ULK4: variants seen among roughly 807,000 people sequenced by gnomAD.
ULK4 encodes the protein inactive serine/threonine-protein kinase ULK4.
Under a neutral mutation model 160.6 loss-of-function variants are expected in ULK4, and 133 were observed. The ratio of observed to expected loss-of-function variants is 0.83; its 90% CI spans 0.72 to 0.96. The LOEUF is 0.96. ULK4 is among the 40% of genes least tolerant of loss of function. The probability of loss-of-function intolerance (pLI) is 0.00; values close to 1 mark genes in which losing one functional copy is unlikely to be tolerated. For missense variants in ULK4, 1,580 were observed against 1,499.5 expected (o/e 1.05, Z -0.89); for synonymous variants, 534 against 539.8 (o/e 0.99, Z 0.15).
intron 35 of ULK4, among the ~76,000 whole-genome samples, chr3:41,359,149 A>T (rs1420374477): frequency 6.6e-6 from 1 of 152,190 alleles, no homozygotes; most frequent in Admixed American, 6.5e-5. Flanking sequence ...TGAAGCTGCC[A>T]TGACTAAGGC....
rs2037317678 is a variant in ULK4, at chr3:41,717,692, G to C, written c.2455+36C>G. 3.2e-6 allele frequency: 5 copies of C among 1,574,108 alleles called. No individual in the cohort carries two copies. The Admixed American group carries it at 6.7e-5, about 21-fold the overall frequency. On this transcript the variant is annotated intron_variant, in intron 23 of 36. Coordinates refer to ENST00000301831, the MANE Select transcript of ULK4 (RefSeq NM_017886.4). ...AAAGCCAAGTCTTAGAAACGTAAAA[G>C]CAGAAATGGGGCCTGAGGATGAGAC...
intron 17 of ULK4, among the ~76,000 whole-genome samples, chr3:41,880,280 G>A (rs1033084698): frequency 4.6e-5 from 7 of 152,120 alleles, no homozygotes; most frequent in African/African-American, 1.7e-4. Context: ...TGGTAAATGT[G>A]TTATCTAGGA....
At chr3:41,770,136 C>T (rs996921598) in intron 21 of ULK4, among the ~76,000 whole-genome samples, 3 of 152,036 alleles carry the variant, frequency 2.0e-5, no homozygotes, top group East Asian at 3.8e-4. Flanking sequence ...ACACATAATC[C>T]GATTAATATG....
chr3:41,346,111 C>A (rs2080794635), intron 35 of ULK4, among the ~76,000 whole-genome samples: 1 of 152,122 alleles, frequency 6.6e-6, no homozygotes, highest in Non-Finnish European at 1.5e-5. Flanking sequence ...TCGTAAGCCA[C>A]ACTCAAGACT....
chr3:41,927,505 C>A (rs1699428034), intron 5 of ULK4, among the ~76,000 whole-genome samples: 2 of 151,984 alleles, frequency 1.3e-5, no homozygotes, highest in Admixed American at 6.6e-5. Context: ...CAATATTAAC[C>A]TTAAAGGTAA....
At chr3:41,696,636 C>A (rs536563460) in intron 27 of ULK4, among the ~76,000 whole-genome samples, 2 of 152,094 alleles carry the variant, frequency 1.3e-5, no homozygotes, top group South Asian at 4.2e-4. Context: ...CCTCCACACA[C>A]GGCAAGAAAA....
At chr3:41,603,701 T>G (rs2032231132) in intron 31 of ULK4, among the ~76,000 whole-genome samples, 1 of 152,124 alleles carries the variant, frequency 6.6e-6, no homozygotes, top group South Asian at 2.1e-4. Flanking sequence ...TACTATAGTT[T>G]ATAAAATATA....
At chr3:41,267,496 T>C (rs1449217365) in intron 35 of ULK4, among the ~76,000 whole-genome samples, 2 of 152,198 alleles carry the variant, frequency 1.3e-5, no homozygotes, top group African/African-American at 4.8e-5. Context: ...GTCTCTATAG[T>C]AGAATGACTT....
At chr3:41,618,627 C>T (rs752657383) in intron 30 of ULK4, among the ~76,000 whole-genome samples, 4 of 152,058 alleles carry the variant, frequency 2.6e-5, no homozygotes, top group African/African-American at 7.2e-5. Context: ...GAAGGAAGCA[C>T]TAAATATGGA....
At chr3:41,500,188 CTTT>C (rs1278835563) in intron 32 of ULK4, among the ~76,000 whole-genome samples, 1 of 148,550 alleles carries the variant, frequency 6.7e-6, no homozygotes, top group African/African-American at 2.5e-5. Context: ...TTAATTTCTG[CTTT>C]TTTATTATTT....
chr3:41,657,983 C>G (rs1219314538), intron 30 of ULK4, among the ~76,000 whole-genome samples: 1 of 151,952 alleles, frequency 6.6e-6, no homozygotes, highest in Admixed American at 6.6e-5. Context: ...AGACCACTTA[C>G]AAAAATTGAC....
chr3:41,560,971 G>T (rs1380997081), intron 32 of ULK4, among the ~76,000 whole-genome samples: 1 of 152,164 alleles, frequency 6.6e-6, no homozygotes, highest in Admixed American at 6.5e-5. Context: ...TCCAGTTTTT[G>T]CCCACTCAGT....
chr3:41,744,883 C>G (rs1311624768), intron 22 of ULK4, among the ~76,000 whole-genome samples: 1 of 151,562 alleles, frequency 6.6e-6, no homozygotes, highest in Admixed American at 6.6e-5. Context: ...ATAATAAAAT[C>G]AAACTATATA....
chr3:41,614,141 G>A (rs1288720166), intron 31 of ULK4, among the ~76,000 whole-genome samples: 2 of 152,154 alleles, frequency 1.3e-5, no homozygotes, highest in African/African-American at 2.4e-5. Context: ...GATGATTGCC[G>A]AAGATAAGGT....
chr3:41,510,128 G>A (rs1236063971), intron 32 of ULK4, among the ~76,000 whole-genome samples: 1 of 152,078 alleles, frequency 6.6e-6, no homozygotes, highest in East Asian at 1.9e-4. Context: ...AGATAAATAA[G>A]TAGAAAAAGA....
chr3:41,693,475 A>T (rs2036378711), intron 27 of ULK4, among the ~76,000 whole-genome samples: 1 of 152,232 alleles, frequency 6.6e-6, no homozygotes, highest in African/African-American at 2.4e-5. Flanking sequence ...TTGTCTTAAT[A>T]AAGAGTGAGA....
intron 34 of ULK4, among the ~76,000 whole-genome samples, chr3:41,442,703 C>A (rs190850617): frequency 2.0e-5 from 3 of 152,078 alleles, no homozygotes; most frequent in African/African-American, 7.2e-5. Flanking sequence ...AAGTGATCCT[C>A]CCACCTCAGT....
At chr3:41,961,550 ACCCCCCCCCCCCC>A (rs201424516) in intron 1 of ULK4, among the ~76,000 whole-genome samples, 104,441 of 125,472 alleles carry the variant, frequency 0.83, 43,457 homozygotes, top group South Asian at 0.91. Context: ...GTAGTCACTC[ACCCCCCCCCCCCC>A]CCCCCCCGCT....
chr3:41,673,248 A>G (rs2035596872), intron 29 of ULK4, among the ~76,000 whole-genome samples: 1 of 152,302 alleles, frequency 6.6e-6, no homozygotes, highest in East Asian at 1.9e-4. Context: ...CTATTTTAAC[A>G]TAGAATGCTT....
Sources: allele counts gnomAD v4.1 joint callset (sites outside exome capture counted in the v4.1 genomes callset), GRCh38; gene constraint gnomAD v4.1.1; transcripts MANE v1.5; gene names NCBI Gene and HGNC (gene_info 2026-07-23, HGNC 2026-07-21).